Variants in RBFOX3 observed in about 807,000 individuals in gnomAD.
RBFOX3 encodes RNA binding fox-1 homolog 3, also known as RNA binding protein fox-1 homolog 3.
RBFOX3 carries 17 observed loss-of-function variants against 48.7 expected under a neutral mutation model. The observed-to-expected ratio is 0.35, with a 90% CI of 0.24 to 0.52. The LOEUF (loss-of-function observed/expected upper bound fraction) is 0.52. Ranked by LOEUF, RBFOX3 falls within the 20% of genes least tolerant of loss-of-function variation. The pLI, the probability that RBFOX3 is intolerant of heterozygous loss-of-function variation, is 0.94. For synonymous variants in RBFOX3, 212 were observed against 209.5 expected (o/e 1.01, Z -0.10); for missense variants, 382 against 497.5 (o/e 0.77, Z 2.21).
intron 1 of RBFOX3, among the ~76,000 whole-genome samples, chr17:79,586,190 G>T (rs924464789): frequency 1.3e-5 from 2 of 152,202 alleles, no homozygotes; most frequent in African/African-American, 2.4e-5. Flanking sequence ...TCCTAGACAC[G>T]AGGGTGCCCC....
chr17:79,620,173 A>ACG, the RBFOX3 span, among the ~76,000 whole-genome samples: 90 of 145,936 alleles, frequency 6.2e-4, no homozygotes, highest in African/African-American at 1.5e-3. Flanking sequence ...ATGCACACAC[A>ACG]TGCACACACA....
At chr17:79,187,179 T>C (rs74001647) in intron 4 of RBFOX3, among the ~76,000 whole-genome samples, 15,391 of 152,282 alleles carry the variant, frequency 0.1, 801 homozygotes, top group South Asian at 0.12. Flanking sequence ...AGTATTTCTT[T>C]TGACCCCTAC....
At position 79,535,687 on chromosome 17, in the gene RBFOX3, C is replaced by A. The variant is rs1555788540; in HGVS notation, c.-319-53089G>T. On this transcript the variant is annotated intron_variant, in intron 1 of 14. Transcript: ENST00000693108. The surrounding 1 kb of genome is among the most constrained non-coding windows in gnomAD (Gnocchi z 4.5). Reference sequence around the variant, plus strand: ...CAGTATGCGCAGCCAGGCAAGGTTGCCTGTGTTGGGGACAGTCAATCGGAC... The same window carrying A: ...CAGTATGCGCAGCCAGGCAAGGTTGACTGTGTTGGGGACAGTCAATCGGAC... Among the ~76,000 whole-genome samples the A allele has an allele frequency of 6.6e-6, 1 of 152,202 alleles. No individual in the cohort carries two copies. The highest frequency in any genetic ancestry group is 1.9e-4 in the East Asian group (1 of 5,198).
chr17:79,548,246 G>C (rs1444626603), intron 1 of RBFOX3, among the ~76,000 whole-genome samples: 1 of 152,174 alleles, frequency 6.6e-6, no homozygotes, highest in African/African-American at 2.4e-5. Context: ...GGCCCAGCCT[G>C]GCTCACAGCA....
chr17:79,611,191 C>CTCTCTCTCGCTCTCCGCCCTCCT, upstream of RBFOX3, among the ~76,000 whole-genome samples: 2 of 126,410 alleles, frequency 1.6e-5, no homozygotes, highest in Admixed American at 1.7e-4. Flanking sequence ...CCTTCTCTCT[C>CTCTCTCTCGCTCTCCGCCCTCCT]TCTCTCTCTC....
chr17:79,306,523 C>G (rs777571276), intron 3 of RBFOX3, among the ~76,000 whole-genome samples: 1 of 152,238 alleles, frequency 6.6e-6, no homozygotes, highest in Admixed American at 6.5e-5. Context: ...CTGTTTCCAA[C>G]TCAGGCTAAA....
At chr17:79,569,796 T>A (rs990876256) in intron 1 of RBFOX3, among the ~76,000 whole-genome samples, 3 of 152,196 alleles carry the variant, frequency 2.0e-5, no homozygotes, top group African/African-American at 7.2e-5. Context: ...AACAGATGGA[T>A]GGTGTATGAA....
At chr17:79,386,255 A>T (rs2060551104) in intron 2 of RBFOX3, among the ~76,000 whole-genome samples, 1 of 147,014 alleles carries the variant, frequency 6.8e-6, no homozygotes, top group Non-Finnish European at 1.5e-5. Context: ...AACCTCCCAC[A>T]CCAGACGGGG....
intron 1 of RBFOX3, among the ~76,000 whole-genome samples, chr17:79,492,926 G>A (rs2080906186): frequency 6.6e-6 from 1 of 152,208 alleles, no homozygotes; most frequent in African/African-American, 2.4e-5. Context: ...GGAAGACAAG[G>A]CTGAGAAACA....
At chr17:79,629,051 G>A in the RBFOX3 span, among the ~76,000 whole-genome samples, 1 of 152,228 alleles carries the variant, frequency 6.6e-6, no homozygotes, top group East Asian at 1.9e-4. Context: ...CCTTTGAAGT[G>A]ACCGGCTCTG....
intron 2 of RBFOX3, among the ~76,000 whole-genome samples, chr17:79,336,639 G>A (rs7501499): frequency 0.013 from 2,018 of 152,202 alleles, 74 homozygotes; most frequent in East Asian, 0.13. Context: ...CAGTAAAGAC[G>A]GTGCTGTCCT....
chr17:79,442,278 A>G (rs1555735395), intron 2 of RBFOX3, among the ~76,000 whole-genome samples: 2 of 23,760 alleles, frequency 8.4e-5, no homozygotes, highest in African/African-American at 3.4e-4. Context: ...AGAGAGAGAG[A>G]GAGGGAGAGA....
intron 2 of RBFOX3, among the ~76,000 whole-genome samples, chr17:79,369,007 T>C (rs1488382243): frequency 6.6e-6 from 1 of 152,140 alleles, no homozygotes; most frequent in African/African-American, 2.4e-5. Context: ...CGCCGCCTGC[T>C]ATCCAGCCCA....
chr17:79,639,342 T>C, the RBFOX3 span, among the ~76,000 whole-genome samples: 1 of 151,996 alleles, frequency 6.6e-6, no homozygotes, highest in Non-Finnish European at 1.5e-5. Context: ...GCCCGGCTAA[T>C]TTTTTTGGTA....
intron 2 of RBFOX3, among the ~76,000 whole-genome samples, chr17:79,409,085 A>G (rs1166895150): frequency 1.3e-5 from 2 of 152,216 alleles, no homozygotes; most frequent in East Asian, 3.8e-4. Flanking sequence ...ATATAAATGG[A>G]ATCATACAAT....
chr17:79,580,205 G>GTCCCT (rs2093008346), intron 1 of RBFOX3, among the ~76,000 whole-genome samples: 1 of 150,478 alleles, frequency 6.6e-6, no homozygotes, highest in Non-Finnish European at 1.5e-5. Context: ...AGTCCACCCA[G>GTCCCT]TCCCTGCCCC....
At chr17:79,620,545 G>A in the RBFOX3 span, among the ~76,000 whole-genome samples, 7,273 of 136,282 alleles carry the variant, frequency 0.053, 650 homozygotes, top group African/African-American at 0.19. Context: ...ATGCACACAC[G>A]CATGCACACA....
chr17:79,485,348 C>A (rs1021860562), intron 1 of RBFOX3, among the ~76,000 whole-genome samples: 14 of 152,224 alleles, frequency 9.2e-5, no homozygotes, highest in African/African-American at 2.6e-4. Flanking sequence ...GCAGCCAGTC[C>A]AGGGCCAGGG....
chr17:79,179,355 G>A (rs1266278951), intron 4 of RBFOX3, among the ~76,000 whole-genome samples: 3 of 152,230 alleles, frequency 2.0e-5, no homozygotes, highest in African/African-American at 7.2e-5. Context: ...AAGCCGCTCG[G>A]AAACGCCGCA....
Sources: gnomAD v4.1 joint callset for allele counts (sites outside exome capture counted in the v4.1 genomes callset) on GRCh38, gnomAD v4.1.1 for gene constraint, Gnocchi (gnomAD v3.1) non-coding constraint, MANE v1.5 for transcripts, NCBI Gene and HGNC (gene_info 2026-07-23, HGNC 2026-07-21) for gene names.